SKAP1: variants seen among roughly 807,000 people sequenced by gnomAD.
SKAP1 encodes src kinase associated phosphoprotein 1.
Under a neutral mutation model 58.5 loss-of-function variants are expected in SKAP1, and 44 were observed. That is an observed-to-expected ratio of 0.75 (90% CI 0.59 to 0.97). The LOEUF (loss-of-function observed/expected upper bound fraction) is 0.97. SKAP1 is among the 50% of genes least tolerant of loss of function. SKAP1 has a pLI of 0.00. For missense variants in SKAP1, 390 were observed against 435.2 expected (o/e 0.90, Z 0.92); for synonymous variants, 127 against 149.7 (o/e 0.85, Z 1.11).
chr17:48,194,841 G>A (rs1051776414), intron 4 of SKAP1, among the ~76,000 whole-genome samples: 1 of 152,140 alleles, frequency 6.6e-6, no homozygotes, highest in Admixed American at 6.5e-5. Flanking sequence ...GCTAACAGGG[G>A]TGAATTTCAG....
chr17:48,346,989 G>T (rs890998470), intron 3 of SKAP1, among the ~76,000 whole-genome samples: 2 of 152,152 alleles, frequency 1.3e-5, no homozygotes, highest in African/African-American at 4.8e-5. Flanking sequence ...ATACAATACT[G>T]AATTATGCAA....
intron 4 of SKAP1, chr17:48,196,616 G>C (rs1227297720): frequency 6.6e-6 from 1 of 152,138 alleles, no homozygotes; most frequent in Non-Finnish European, 1.5e-5. Context: ...TGTGTACCCA[G>C]TGTGTAGCTC....
chr17:48,369,730 A>G (rs2144423385), intron 2 of SKAP1, among the ~76,000 whole-genome samples: 1 of 152,336 alleles, frequency 6.6e-6, no homozygotes, highest in Non-Finnish European at 1.5e-5. Flanking sequence ...CATTTTCTAA[A>G]TAAGAAAACT....
chr17:48,165,287 C>T (rs1370094016), intron 10 of SKAP1, among the ~76,000 whole-genome samples: 1 of 152,154 alleles, frequency 6.6e-6, no homozygotes, highest in African/African-American at 2.4e-5. Context: ...CTTAAAAGCC[C>T]AGAGTCTGCA....
intron 4 of SKAP1, among the ~76,000 whole-genome samples, chr17:48,192,979 T>C (rs548994506): frequency 6.6e-6 from 1 of 152,332 alleles, no homozygotes; most frequent in South Asian, 2.1e-4. Context: ...GGAATAGAGC[T>C]GGAAACAGCT....
At chr17:48,243,078 T>C (rs2065258693) in intron 4 of SKAP1, among the ~76,000 whole-genome samples, 1 of 152,234 alleles carries the variant, frequency 6.6e-6, no homozygotes, top group African/African-American at 2.4e-5. Flanking sequence ...TGACTATACC[T>C]GGACTGTGAT....
chr17:48,246,778 A>G (rs1421524922), intron 4 of SKAP1, among the ~76,000 whole-genome samples: 4 of 152,162 alleles, frequency 2.6e-5, no homozygotes, highest in African/African-American at 7.2e-5. Context: ...TGGAGCTGCT[A>G]TGTACTTACA....
rs533036700 is a variant in SKAP1 at position 48,146,214 on chromosome 17, C to T, written c.979-8877G>A. Among the ~76,000 whole-genome samples the T allele has an allele frequency of 1.9e-4, 29 of 152,144 alleles. No individual in the cohort carries two copies. The East Asian group carries it at 5.0e-3, about 26-fold the overall frequency. On this transcript the variant is annotated intron_variant, in intron 11 of 12. Coordinates refer to ENST00000336915, the MANE Select transcript of SKAP1 (RefSeq NM_003726.4). Reference sequence around the variant, plus strand: ...TTAAAAAATACAATGAAGGAGAGGCCGGAGACGGTGGCTCACGCCTGTAAT... The same window carrying T: ...TTAAAAAATACAATGAAGGAGAGGCTGGAGACGGTGGCTCACGCCTGTAAT...
intron 3 of SKAP1, among the ~76,000 whole-genome samples, chr17:48,348,953 G>A (rs573811858): frequency 2.6e-5 from 4 of 152,286 alleles, no homozygotes; most frequent in African/African-American, 7.2e-5. Flanking sequence ...GTTGTGGTGC[G>A]GGAACATTTA....
chr17:48,170,097 C>A (rs2064188474), intron 10 of SKAP1, among the ~76,000 whole-genome samples: 1 of 152,174 alleles, frequency 6.6e-6, no homozygotes, highest in Non-Finnish European at 1.5e-5. Context: ...AAACCTGTTA[C>A]ATATTCATTT....
At chr17:48,374,791 G>A (rs1366157223) in intron 2 of SKAP1, among the ~76,000 whole-genome samples, 4 of 152,236 alleles carry the variant, frequency 2.6e-5, no homozygotes, top group Non-Finnish European at 5.9e-5. Flanking sequence ...GTGGCAAAGA[G>A]TAACATGGCC....
intron 1 of SKAP1, among the ~76,000 whole-genome samples, chr17:48,405,404 T>A (rs1200299026): frequency 3.3e-5 from 2 of 60,380 alleles, no homozygotes; most frequent in Non-Finnish European, 6.6e-5. Flanking sequence ...TTTCTTTCTT[T>A]CTTTCTTTCT....
At chr17:48,294,051 T>TG (rs1425749592) in intron 4 of SKAP1, among the ~76,000 whole-genome samples, 1 of 152,182 alleles carries the variant, frequency 6.6e-6, no homozygotes, top group African/African-American at 2.4e-5. Flanking sequence ...GCCTGGATTG[T>TG]GGGGATGTAT....
intron 4 of SKAP1, among the ~76,000 whole-genome samples, chr17:48,269,871 A>C (rs1424329925): frequency 6.6e-6 from 1 of 152,084 alleles, no homozygotes; most frequent in Non-Finnish European, 1.5e-5. Context: ...AGGCGGGAGG[A>C]TCACCTGAGG....
chr17:48,353,567 A>G (rs955571211), intron 3 of SKAP1, among the ~76,000 whole-genome samples: 3 of 152,142 alleles, frequency 2.0e-5, no homozygotes, highest in African/African-American at 7.2e-5. Context: ...GAGAGAAACT[A>G]CAAGGCTAGT....
chr17:48,181,194 C>A (rs1026670588), intron 8 of SKAP1, among the ~76,000 whole-genome samples: 2 of 152,100 alleles, frequency 1.3e-5, no homozygotes, highest in East Asian at 3.8e-4. Flanking sequence ...TTTGGTGCCA[C>A]CACATACGAG....
intron 2 of SKAP1, among the ~76,000 whole-genome samples, chr17:48,369,399 G>C (rs374678192): frequency 2.0e-5 from 3 of 151,132 alleles, no homozygotes; most frequent in Non-Finnish European, 2.9e-5. Flanking sequence ...GCTGAGGTGG[G>C]AGGATTGCAT....
chr17:48,444,359 C>T, the SKAP1 span, among the ~76,000 whole-genome samples: 1 of 152,174 alleles, frequency 6.6e-6, no homozygotes, highest in Non-Finnish European at 1.5e-5. Flanking sequence ...CACTGCACTC[C>T]AGCCTGGGCA....
intron 9 of SKAP1, among the ~76,000 whole-genome samples, chr17:48,174,445 G>A (rs2143404275): frequency 6.6e-6 from 1 of 152,188 alleles, no homozygotes; most frequent in African/African-American, 2.4e-5. Context: ...AGGTTCAGAG[G>A]GCACAATACA....
Sources: allele counts gnomAD v4.1 joint callset (sites outside exome capture counted in the v4.1 genomes callset), GRCh38; gene constraint gnomAD v4.1.1; transcripts MANE v1.5; gene names NCBI Gene and HGNC (gene_info 2026-07-23, HGNC 2026-07-21).